Variants in NID1 observed in about 807,000 individuals in gnomAD.
The protein encoded by NID1 is nidogen-1.
NID1 carries 76 observed loss-of-function variants against 130.6 expected under a neutral mutation model. The ratio of observed to expected loss-of-function variants is 0.58; its 90% CI spans 0.48 to 0.70. The LOEUF is 0.70. NID1 is among the 30% of genes least tolerant of loss of function. The probability of loss-of-function intolerance (pLI) is 0.00; values close to 1 mark genes in which losing one functional copy is unlikely to be tolerated. For synonymous variants in NID1, 665 were observed against 675.1 expected (o/e 0.98, Z 0.23); for missense variants, 1,517 against 1,664.8 (o/e 0.91, Z 1.54).
intron 12 of NID1, among the ~76,000 whole-genome samples, chr1:236,006,289 T>C (rs1658246246): frequency 6.6e-6 from 1 of 152,142 alleles, no homozygotes; most frequent in Non-Finnish European, 1.5e-5. Context: ...TGACCCTCCC[T>C]AGAAATTAAT....
chr1:236,003,080 G>GTAGTTGTCACTCCTAGTGAACAACTA (rs1558428586), intron 12 of NID1, among the ~76,000 whole-genome samples: 1 of 134,442 alleles, frequency 7.4e-6, no homozygotes, highest in Non-Finnish European at 1.6e-5. Context: ...GTGAACGAGT[G>GTAGTTGTCACTCCTAGTGAACAACTA]GTAGTTGTCA....
intron 14 of NID1, among the ~76,000 whole-genome samples, chr1:235,985,849 C>G (rs1354609346): frequency 6.6e-6 from 1 of 152,012 alleles, no homozygotes; most frequent in Non-Finnish European, 1.5e-5. Context: ...CAGCCTCAAC[C>G]TCCTGAACTC....
chr1:235,987,057 C>T (rs1287273878), intron 14 of NID1, among the ~76,000 whole-genome samples: 1 of 152,166 alleles, frequency 6.6e-6, no homozygotes, highest in Admixed American at 6.5e-5. Flanking sequence ...AGTTGAGTAA[C>T]ATTTTACATG....
At chr1:236,011,291 A>G (rs1316639751) in intron 12 of NID1, among the ~76,000 whole-genome samples, 2 of 139,378 alleles carry the variant, frequency 1.4e-5, no homozygotes, top group Admixed American at 1.4e-4. Flanking sequence ...GGTGTCAAAT[A>G]TATTCTTTTT....
intron 1 of NID1, among the ~76,000 whole-genome samples, chr1:236,055,444 T>C (rs1216107940): frequency 6.6e-6 from 1 of 152,172 alleles, no homozygotes; most frequent in Admixed American, 6.5e-5. Context: ...GAGTTCATTA[T>C]ATTTTTGAGT....
At chr1:236,003,175 CT>C (rs1658134185) in intron 12 of NID1, among the ~76,000 whole-genome samples, 1 of 149,240 alleles carries the variant, frequency 6.7e-6, no homozygotes. Context: ...GTTGTCACTC[CT>C]AGTGAACGAC....
rs74149507 is a variant in NID1, at chr1:236,036,767, C to A, written c.1285+1337G>T. Reference sequence around the variant, plus strand: ...GGCTTTACAGGAAGAGGAAGAGAGACCCGACCCAGGATGCTCAGCCTCCTG... The same window carrying A: ...GGCTTTACAGGAAGAGGAAGAGAGAACCGACCCAGGATGCTCAGCCTCCTG... On this transcript the variant is annotated intron_variant, in intron 5 of 19. Coordinates refer to ENST00000264187, the MANE Select transcript of NID1 (RefSeq NM_002508.3). Among the ~76,000 whole-genome samples the A allele has an allele frequency of 2.3e-3, 352 of 152,278 alleles. 1 individual carries two copies. Among genetic ancestry groups the A allele is most frequent in the African/African-American group, 7.8e-3 (323 of 41,546 alleles).
intron 9 of NID1, among the ~76,000 whole-genome samples, chr1:236,021,342 C>T (rs10927275): frequency 0.47 from 71,619 of 152,040 alleles, 17,101 homozygotes; most frequent in Admixed American, 0.49. Context: ...AAGGTAAGTC[C>T]CAGACTGAAT....
chr1:236,061,452 G>T (rs1214178218), intron 1 of NID1, among the ~76,000 whole-genome samples: 1 of 151,990 alleles, frequency 6.6e-6, no homozygotes, highest in Non-Finnish European at 1.5e-5. Context: ...GTTTATGAAG[G>T]ATTCTTCTCT....
At chr1:236,034,081 T>C (rs1481951219) in intron 5 of NID1, among the ~76,000 whole-genome samples, 1 of 152,120 alleles carries the variant, frequency 6.6e-6, no homozygotes, top group Non-Finnish European at 1.5e-5. Context: ...GATGAATGGA[T>C]AAACAAAATA....
At chr1:236,025,263 C>CTTTTTTTTT (rs750410998) in intron 8 of NID1, among the ~76,000 whole-genome samples, 8,146 of 122,310 alleles carry the variant, frequency 0.067, 611 homozygotes, top group East Asian at 0.32. Context: ...TACAATTTCT[C>CTTTTTTTTT]TTTTTTTTTT....
rs142219161 is a variant in NID1 at position 236,029,653 on chromosome 1, G to T, written c.1635C>A (p.His545Gln). The T allele has an allele frequency of 6.2e-6, 10 of 1,613,622 alleles. No homozygotes were observed. The highest frequency in any genetic ancestry group is 8.5e-6 in the Non-Finnish European group (10 of 1,179,948). Reference protein sequence around the residue: ...QRFSGIDEHGHLTIDTELEGR... With the variant: ...QRFSGIDEHGQLTIDTELEGR... ...CCTCCAGCTCCGTGTCGATGGTCAGGTGCCCATGCTCATCGATGCCGCTGA... is the reference window on the plus strand; with the variant it reads ...CCTCCAGCTCCGTGTCGATGGTCAGTTGCCCATGCTCATCGATGCCGCTGA... Residue 545 changes from histidine (H) to glutamine (Q), a missense_variant, in exon 7 of 20, where the codon CAC (histidine) becomes CAA (glutamine). Coordinates refer to ENST00000264187, the MANE Select transcript of NID1 (RefSeq NM_002508.3).
At chr1:235,993,925 C>T in intron 12 of NID1, 53 bp from the exon 13 acceptor site, 2 of 1,535,486 alleles carry the variant, frequency 1.3e-6, no homozygotes, top group South Asian at 2.3e-5. Flanking sequence ...TCCGTCAGCG[C>T]TCCCTGGCGG....
intron 12 of NID1, among the ~76,000 whole-genome samples, chr1:236,007,244 G>A (rs1035841067): frequency 7.2e-5 from 11 of 152,148 alleles, no homozygotes; most frequent in Non-Finnish European, 1.3e-4. Flanking sequence ...ATGTTGTCCA[G>A]GGTGTTCTTA....
chr1:235,995,665 T>C (rs1657899840), intron 12 of NID1, among the ~76,000 whole-genome samples: 1 of 152,218 alleles, frequency 6.6e-6, no homozygotes, highest in Non-Finnish European at 1.5e-5. Flanking sequence ...CTTCTCCCTG[T>C]CTGGTTAATC....
In NID1 at chr1:236,032,959, GAAGAAT is replaced by G. The variant is rs1309195453; in HGVS notation, c.1286-313_1286-308del. 2.0e-5 allele frequency among the ~76,000 whole-genome samples: 3 copies of G among 152,296 alleles called. No homozygotes were observed. In the East Asian group the frequency reaches 5.8e-4, roughly 29 times the overall value. On this transcript the variant is annotated intron_variant, in intron 5 of 19. Coordinates refer to ENST00000264187, the MANE Select transcript of NID1 (RefSeq NM_002508.3). Reference sequence around the variant, plus strand: ...AGTTAAAAACAGAATTTCAGAAGAAGAAGAATATCAGGGGTGACCTAGAACTAAGGC... The same window carrying G: ...AGTTAAAAACAGAATTTCAGAAGAAGATCAGGGGTGACCTAGAACTAAGGC...
At chr1:235,990,248 T>C (rs570340261) in intron 14 of NID1, among the ~76,000 whole-genome samples, 3 of 151,532 alleles carry the variant, frequency 2.0e-5, no homozygotes, top group East Asian at 1.9e-4. Context: ...AAGCTGGAGG[T>C]TGGTCCTGTG....
chr1:235,998,643 C>A (rs925160821), intron 12 of NID1, among the ~76,000 whole-genome samples: 5 of 151,916 alleles, frequency 3.3e-5, no homozygotes, highest in Admixed American at 3.3e-4. Flanking sequence ...ACATTGCACT[C>A]CAGCCTGGAC....
chr1:235,996,211 G>C (rs2102803766), intron 12 of NID1, among the ~76,000 whole-genome samples: 1 of 152,174 alleles, frequency 6.6e-6, no homozygotes, highest in South Asian at 2.1e-4. Flanking sequence ...CTGTGCTGGG[G>C]GATGCACACA....
Sources: allele counts gnomAD v4.1 joint callset (sites outside exome capture counted in the v4.1 genomes callset), GRCh38; gene constraint gnomAD v4.1.1; transcripts MANE v1.5; gene names NCBI Gene and HGNC (gene_info 2026-07-23, HGNC 2026-07-21).